PLXNA2: variants seen among roughly 807,000 people sequenced by gnomAD.
PLXNA2 encodes plexin-A2.
A neutral mutation model predicts 193.5 loss-of-function variants in PLXNA2; 91 were observed. The observed-to-expected ratio is 0.47, with a 90% CI of 0.40 to 0.56. The LOEUF is 0.56. Among genes scored for constraint, PLXNA2 ranks in the 20% least tolerant of loss-of-function variants. The probability of loss-of-function intolerance (pLI) is 0.00; values close to 1 mark genes in which losing one functional copy is unlikely to be tolerated. For synonymous variants in PLXNA2, 997 were observed against 1,027.3 expected, an observed-to-expected ratio of 0.97 and a Z score of 0.56; for missense variants, 1,995 against 2,503.2, an observed-to-expected ratio of 0.80 and a Z score of 4.33.
chr1:208,096,990 A>C (rs1460451689), intron 6 of PLXNA2, 107 bp from the exon 7 acceptor site: 7 of 933,402 alleles, frequency 7.5e-6, no homozygotes, highest in Non-Finnish European at 1.1e-5. Flanking sequence ...CCCTGACCTC[A>C]TCTATAAAAG....
chr1:208,045,431 A>G (rs928140252), intron 18 of PLXNA2, among the ~76,000 whole-genome samples: 17 of 152,200 alleles, frequency 1.1e-4, no homozygotes, highest in Non-Finnish European at 2.2e-4. Context: ...AGAGAGTGGG[A>G]AAAATGCAGA....
At chr1:208,087,013 G>C (rs370186354) in intron 9 of PLXNA2, among the ~76,000 whole-genome samples, 73 of 117,538 alleles carry the variant, frequency 6.2e-4, no homozygotes, top group East Asian at 1.7e-3. Flanking sequence ...GAGAGAGAGA[G>C]AGACAGACAG....
chr1:208,072,687 C>T (rs1666012444), intron 12 of PLXNA2, among the ~76,000 whole-genome samples: 1 of 152,154 alleles, frequency 6.6e-6, no homozygotes, highest in Non-Finnish European at 1.5e-5. Context: ...ATAATGCTTC[C>T]CCCAAAAGGC....
intron 12 of PLXNA2, among the ~76,000 whole-genome samples, chr1:208,074,172 T>C (rs2102372536): frequency 6.6e-6 from 1 of 152,318 alleles, no homozygotes; most frequent in East Asian, 1.9e-4. Flanking sequence ...TGCCTACTCA[T>C]GGCCCCTTAA....
chr1:208,066,927 AT>A (rs1665815617), intron 12 of PLXNA2, among the ~76,000 whole-genome samples: 1 of 152,266 alleles, frequency 6.6e-6, no homozygotes, highest in Non-Finnish European at 1.5e-5. Flanking sequence ...AATAGAAAAA[AT>A]ATTATAGAAT....
At chr1:208,202,764 C>T (rs1670593521) in intron 3 of PLXNA2, among the ~76,000 whole-genome samples, 1 of 152,164 alleles carries the variant, frequency 6.6e-6, no homozygotes, top group Admixed American at 6.5e-5. Context: ...TACGCCCATC[C>T]CACCCATCCA....
chr1:208,178,077 A>G (rs1035294526), intron 3 of PLXNA2, among the ~76,000 whole-genome samples: 7 of 152,196 alleles, frequency 4.6e-5, no homozygotes, highest in Admixed American at 1.3e-4. Context: ...AGCCTCTGCC[A>G]TTCTATAGGA....
chr1:208,235,196 G>C lies in PLXNA2; in HGVS notation c.-81+8447C>G, dbSNP rs370631420. On this transcript the variant is annotated intron_variant, in intron 1 of 31. Coordinates refer to ENST00000367033, the MANE Select transcript of PLXNA2 (RefSeq NM_025179.4). ...AATGCTGACCACAAGCCCTGAATGT[G>C]GTCTCCTTGCAGGGCCACTATTGGC... Among the ~76,000 whole-genome samples, 6 of 152,264 alleles carry C rather than the reference G, an allele frequency of 3.9e-5. No individual in the cohort carries two copies. The East Asian group carries it at 1.2e-3, about 29-fold the overall frequency.
In PLXNA2 at chr1:208,079,376, C is replaced by T. The variant is rs1284264990; in HGVS notation, c.2470G>A (p.Gly824Ser). ...CLKADRKFECGWCSGERRCTL... is the reference protein window; with the variant it reads ...CLKADRKFECSWCSGERRCTL... ...CACCTGCGCTCGCCGCTGCACCAGC[C>T]ACACTCAAACTTCCGGTCGGCCTTG... The change falls in exon 12 of 32, where the codon GGC (glycine) becomes AGC (serine). Residue 824 changes from glycine (G) to serine (S), a missense_variant. Gly to Ser is a moderately conservative substitution (Grantham distance 56, BLOSUM62 0). Coordinates refer to ENST00000367033, the MANE Select transcript of PLXNA2 (RefSeq NM_025179.4). The T allele has an allele frequency of 1.2e-6, 2 of 1,613,752 alleles. No individual in the cohort carries two copies. Among genetic ancestry groups the T allele is most frequent in the Non-Finnish European group, 1.7e-6 (2 of 1,179,888 alleles).
Position 208,217,842 on chromosome 1 carries a change from C to T in PLXNA2, c.81G>A (p.Leu27=), listed in dbSNP as rs1358420261. 6.2e-7 allele frequency: 1 copy of T among 1,613,994 alleles called. No homozygotes were observed. The highest frequency in any genetic ancestry group is 2.2e-5 in the East Asian group (1 of 44,880). ...SVVLLSVVWV[L]LAPPAAGMPQ... The stretch of plus-strand genomic sequence containing the variant: ...GCATGCCGGCTGCTGGGGGGGCCAG[C>T]AGCACCCAGACCACTGAGAGCAGGA... The change falls in exon 2 of 32, where the codon CTG becomes CTA. Residue 27 remains leucine, a synonymous_variant. Transcript: ENST00000367033. This position sits in a 1 kb window ranked among gnomAD's most constrained non-coding sequence, Gnocchi z 4.7.
chr1:208,125,005 A>T (rs1667930108), intron 4 of PLXNA2, among the ~76,000 whole-genome samples: 1 of 152,200 alleles, frequency 6.6e-6, no homozygotes, highest in Non-Finnish European at 1.5e-5. Context: ...CTATTCAGTG[A>T]CTAGTATCTC....
At position 208,217,414 on chromosome 1, in the gene PLXNA2, C is replaced by CCGTA; in HGVS notation, c.505_508dup (p.Gly170ValfsTer8). On this transcript the variant is annotated frameshift_variant, in exon 2 of 32. Transcript: ENST00000367033. LOFTEE classifies it high-confidence loss of function. This position sits in a 1 kb window ranked among gnomAD's most constrained non-coding sequence, Gnocchi z 4.7. ...CTCACCCTCAGAGCGCACAATCACC[C>CCGTA]CGTACATGGTGCCCGTCTTGTTGAC... 6.2e-7 allele frequency: 1 copy of CCGTA among 1,614,148 alleles called. No homozygotes were observed. Among genetic ancestry groups the CCGTA allele is most frequent in the Non-Finnish European group, 8.5e-7 (1 of 1,180,048 alleles).
chr1:208,212,318 C>T (rs1385808183), intron 2 of PLXNA2, among the ~76,000 whole-genome samples: 4 of 152,060 alleles, frequency 2.6e-5, no homozygotes, highest in Non-Finnish European at 4.4e-5. Context: ...TTCTCAGTCC[C>T]AAAAGGAGCA....
chr1:208,184,326 G>T (rs957723134), intron 3 of PLXNA2, among the ~76,000 whole-genome samples: 11 of 152,116 alleles, frequency 7.2e-5, no homozygotes, highest in African/African-American at 2.7e-4. Flanking sequence ...TGGGGAGGAA[G>T]GGGGACGCTG....
At chr1:208,030,698 C>T (rs1664476738) in intron 29 of PLXNA2, 1 of 985,436 alleles carries the variant, frequency 1.0e-6, no homozygotes, top group Non-Finnish European at 1.2e-6. Context: ...TCTGTGTCGG[C>T]TCTGTTTTCT....
intron 3 of PLXNA2, among the ~76,000 whole-genome samples, chr1:208,205,592 G>A (rs999386012): frequency 2.0e-5 from 3 of 152,104 alleles, no homozygotes; most frequent in Non-Finnish European, 4.4e-5. Context: ...CTCCTTCATC[G>A]CACGCTTTGC....
intron 9 of PLXNA2, among the ~76,000 whole-genome samples, chr1:208,088,207 G>T (rs939289470): frequency 2.0e-5 from 3 of 152,186 alleles, no homozygotes; most frequent in African/African-American, 7.2e-5. Context: ...GTAGGCTGGG[G>T]AAGAGGAAAC....
At chr1:208,041,127 T>C (rs937979411) in intron 22 of PLXNA2, among the ~76,000 whole-genome samples, 4 of 152,216 alleles carry the variant, frequency 2.6e-5, no homozygotes, top group African/African-American at 7.2e-5. Context: ...AGCTCTAATT[T>C]AAATACAACA....
intron 29 of PLXNA2, chr1:208,029,647 G>A (rs867240655): frequency 1.0e-6 from 1 of 987,286 alleles, no homozygotes; most frequent in Non-Finnish European, 1.2e-6. Context: ...AGAGGGAGAA[G>A]TGGAGGCCAT....
Sources: gnomAD v4.1 joint callset for allele counts (sites outside exome capture counted in the v4.1 genomes callset) on GRCh38, gnomAD v4.1.1 for gene constraint, Gnocchi (gnomAD v3.1) non-coding constraint, MANE v1.5 for transcripts, NCBI Gene and HGNC (gene_info 2026-07-23, HGNC 2026-07-21) for gene names.